Variants in ZNF845 observed in about 807,000 individuals in gnomAD.
The protein encoded by ZNF845 is zinc finger protein 845.
In ZNF845, 59 loss-of-function variants were observed where a neutral mutation model predicts 76.1. That is an observed-to-expected ratio of 0.78 (90% CI 0.63 to 0.96). ZNF845 has a LOEUF of 0.96. Among genes scored for constraint, ZNF845 ranks in the 40% least tolerant of loss-of-function variants. The probability of loss-of-function intolerance (pLI) is 0.00; values close to 1 mark genes in which losing one functional copy is unlikely to be tolerated. For synonymous variants in ZNF845, 361 were observed against 386.9 expected, an observed-to-expected ratio of 0.93 and a Z score of 0.78; for missense variants, 1,045 against 1,172.8, an observed-to-expected ratio of 0.89 and a Z score of 1.59.
rs548351753 is a variant in ZNF845, at chr19:53,351,732, A to C, written c.1057A>C (p.Lys353Gln). ...VYHRRLHTGE[K>Q]PYKCEECDKA... ...CCATCGTAGACTTCATACTGGAGAG[A>C]AACCTTACAAATGTGAAGAATGTGA... is the stretch of plus-strand genomic sequence containing the variant. The change falls in exon 4 of 4, where the codon AAA becomes CAA. Residue 353 changes from lysine to glutamine, a missense_variant. Physicochemically the swap from Lys to Gln is moderately conservative, Grantham distance 53. Transcript: ENST00000458035. 1.9e-6 allele frequency: 3 copies of C among 1,614,134 alleles called. No individual in the cohort carries two copies. Among genetic ancestry groups the C allele is most frequent in the African/African-American group, 2.7e-5 (2 of 75,064 alleles).
rs115303447 is a variant in ZNF845 at position 53,340,519 on chromosome 19, C to T, written c.-73-716C>T. Among the ~76,000 whole-genome samples, 1,076 of 152,274 alleles carry T rather than the reference C, an allele frequency of 7.1e-3. 17 individuals carry two copies. Among genetic ancestry groups the T allele is most frequent in the African/African-American group, 0.025 (1,027 of 41,554 alleles). On this transcript the variant is annotated intron_variant, in intron 1 of 3. Transcript: ENST00000458035. ...AGGTGACTTCCCGAACTTCCGTAAACGCATTCCCCCATGCTCCTGCCCTTC... is the reference window on the plus strand; with the variant it reads ...AGGTGACTTCCCGAACTTCCGTAAATGCATTCCCCCATGCTCCTGCCCTTC...
chr19:53,353,767 G>C lies in ZNF845; in HGVS notation c.*179G>C. On this transcript the variant is annotated 3_prime_UTR_variant, in exon 4 of 4. Coordinates refer to ENST00000458035, the MANE Select transcript of ZNF845 (RefSeq NM_138374.3). ...GAGAGAAACCTTACAAGTGTACTGA[G>C]TGTGGCAAAGCCTTTAGTGGGCAGT... 1 of 1,519,770 alleles carries C rather than the reference G, an allele frequency of 6.6e-7. No homozygotes were observed. The highest frequency in any genetic ancestry group is 8.8e-7 in the Non-Finnish European group (1 of 1,137,180). The allele number at this position is 1,519,770 out of a possible 1,614,324, so 94.1% of individuals were successfully genotyped here.
In ZNF845 at chr19:53,355,217, TTTTCTA is replaced by T. The variant is rs1196597730; in HGVS notation, c.*1631_*1636del. 6.6e-6 allele frequency: 1 copy of T among 152,000 alleles called. No individual in the cohort carries two copies. The highest frequency in any genetic ancestry group is 1.5e-5 in the Non-Finnish European group (1 of 67,998). The allele number at this position is 152,000 out of a possible 1,614,324, so 9.4% of individuals were successfully genotyped here. On this transcript the variant is annotated 3_prime_UTR_variant, in exon 4 of 4. Coordinates refer to ENST00000458035, the MANE Select transcript of ZNF845 (RefSeq NM_138374.3). Reference sequence around the variant, plus strand: ...GTGAGCCACCGCACCCAGCCAGTGATTTTCTATATAGAATGTCGTATCATCTACAAG... The same window carrying T: ...GTGAGCCACCGCACCCAGCCAGTGATTATAGAATGTCGTATCATCTACAAG...
intron 1 of ZNF845, among the ~76,000 whole-genome samples, chr19:53,336,633 C>CTTTTTTTTT (rs398035035): frequency 3.5e-4 from 32 of 92,422 alleles, no homozygotes; most frequent in East Asian, 6.9e-4. Flanking sequence ...TTCTTTCTTT[C>CTTTTTTTTT]TTTTTTTTTT....
chr19:53,349,131 A>C (rs2085316673), intron 3 of ZNF845, among the ~76,000 whole-genome samples: 1 of 152,086 alleles, frequency 6.6e-6, no homozygotes, highest in East Asian at 1.9e-4. Flanking sequence ...TGCTGGGATT[A>C]CAGGCATGAA....
At chr19:53,335,730 G>C (rs1231064305) in intron 1 of ZNF845, among the ~76,000 whole-genome samples, 1 of 152,118 alleles carries the variant, frequency 6.6e-6, no homozygotes, top group Non-Finnish European at 1.5e-5. Flanking sequence ...AGCCTCCCAA[G>C]TAGCTGGGAT....
intron 1 of ZNF845, among the ~76,000 whole-genome samples, 192 bp downstream of exon 1, chr19:53,333,984 T>G (rs550135952): frequency 5.3e-3 from 803 of 152,336 alleles, no homozygotes; most frequent in Non-Finnish European, 7.3e-3. Flanking sequence ...GGATGGTCCC[T>G]TCCCGAATCT....
intron 2 of ZNF845, among the ~76,000 whole-genome samples, chr19:53,341,639 A>T (rs978784502): frequency 1.3e-5 from 2 of 152,108 alleles, no homozygotes; most frequent in Non-Finnish European, 2.9e-5. Flanking sequence ...ATCTGGATGC[A>T]CTGTCAGCTC....
chr19:53,350,481 T>C (rs966589783), intron 3 of ZNF845, among the ~76,000 whole-genome samples: 1 of 152,248 alleles, frequency 6.6e-6, no homozygotes, highest in Non-Finnish European at 1.5e-5. Context: ...GAATATATGC[T>C]TTTCTCCTCA....
At chr19:53,337,837 G>GT (rs144385968) in intron 1 of ZNF845, among the ~76,000 whole-genome samples, 4,256 of 151,994 alleles carry the variant, frequency 0.028, 204 homozygotes, top group African/African-American at 0.098. Context: ...GAGTGCTAGG[G>GT]TACAGGTATG....
In ZNF845 at chr19:53,337,890, AG is replaced by A. The variant is rs1417015788; in HGVS notation, c.-73-3342del. Among the ~76,000 whole-genome samples, 8 of 152,154 alleles carry A rather than the reference AG, an allele frequency of 5.3e-5. No homozygotes were observed. The East Asian group carries it at 1.5e-3, about 29-fold the overall frequency. ...CAATTTTTGTATTTTTAGTAGAGAC[AG>A]GGTTTCACCTTGTTGGCCAGGCTTA... On this transcript the variant is annotated intron_variant, in intron 1 of 3. Coordinates refer to ENST00000458035, the MANE Select transcript of ZNF845 (RefSeq NM_138374.3).
Position 53,355,577 on chromosome 19 carries a change from G to T in ZNF845, c.*1989G>T, listed in dbSNP as rs946311851. The stretch of plus-strand genomic sequence containing the variant: ...TGCAAATTGCTGGGATTATGGGTGT[G>T]AGCCATGAGCCCGGCCCCAACAAAT... On this transcript the variant is annotated 3_prime_UTR_variant, in exon 4 of 4. Transcript: ENST00000458035. The T allele has an allele frequency of 6.6e-6, 1 of 152,102 alleles. No homozygotes were observed. The highest frequency in any genetic ancestry group is 2.4e-5 in the African/African-American group (1 of 41,406). The allele number at this position is 152,102 out of a possible 1,614,324, so 9.4% of individuals were successfully genotyped here. A position where few individuals can be genotyped will look rare whatever the true frequency, so the allele number is the denominator to read the frequency against.
chr19:53,334,837 G>T (rs146016547), intron 1 of ZNF845, among the ~76,000 whole-genome samples: 8,703 of 152,168 alleles, frequency 0.057, 378 homozygotes, highest in Non-Finnish European at 0.092. Flanking sequence ...TTGAGCCCAG[G>T]AGGTCCAGGC....
Position 53,352,420 on chromosome 19 carries a change from A to G in ZNF845, c.1745A>G (p.Asn582Ser), listed in dbSNP as rs778961913. Residue 582 changes from asparagine to serine, a missense_variant, in exon 4 of 4, where the codon AAT (asparagine) becomes AGT (serine). Coordinates refer to ENST00000458035, the MANE Select transcript of ZNF845 (RefSeq NM_138374.3). ...IHGIGKLYKCNDCHQVFSNAT... is the reference protein window; with the variant it reads ...IHGIGKLYKCSDCHQVFSNAT... ...GGTATAGGGAAACTTTACAAATGTA[A>G]TGATTGTCACCAAGTCTTTAGTAAT... The G allele has an allele frequency of 3.9e-5, 63 of 1,613,966 alleles. No individual in the cohort carries two copies. Among genetic ancestry groups the G allele is most frequent in the Non-Finnish European group, 5.3e-5 (62 of 1,179,860 alleles).
rs1012528015 is a variant in ZNF845, at chr19:53,351,937, G to A, written c.1262G>A (p.Ser421Asn). 3 of 1,613,766 alleles carry A rather than the reference G, an allele frequency of 1.9e-6. No homozygotes were observed. Among genetic ancestry groups the A allele is most frequent in the African/African-American group, 2.7e-5 (2 of 74,822 alleles). The change falls in exon 4 of 4, where the codon AGT becomes AAT. Residue 421 changes from serine (S) to asparagine (N), a missense_variant. By Grantham distance (46) the Ser-to-Asn change is conservative (BLOSUM62 1). Coordinates refer to ENST00000458035, the MANE Select transcript of ZNF845 (RefSeq NM_138374.3). ...TGTAATGATTGTGGCAAGACCTTCA[G>A]TCAGATGTCATCCCTTGTATACCAT... Reference protein sequence around the residue: ...YKCNDCGKTFSQMSSLVYHRR... With the variant: ...YKCNDCGKTFNQMSSLVYHRR...
intron 1 of ZNF845, among the ~76,000 whole-genome samples, chr19:53,337,884 A>G (rs755318953): frequency 1.4e-4 from 21 of 152,036 alleles, no homozygotes; most frequent in Non-Finnish European, 2.5e-4. Flanking sequence ...TATTTTTAGT[A>G]GAGACAGGGT....
intron 2 of ZNF845, among the ~76,000 whole-genome samples, 184 bp from the exon 3 acceptor site, chr19:53,345,322 A>G (rs2085286759): frequency 8.7e-6 from 1 of 114,374 alleles, no homozygotes; most frequent in African/African-American, 3.6e-5. Context: ...TCTCAAAAAG[A>G]AAAAAAAAAA....
Position 53,353,585 on chromosome 19 carries a change from T to C in ZNF845, c.2910T>C (p.His970=), listed in dbSNP as rs987237396. ...ATAGAATTCATACTGGAAAGAAACATTAGAAATATGAAGAATGTGACAAAG... is the reference window on the plus strand; with the variant it reads ...ATAGAATTCATACTGGAAAGAAACACTAGAAATATGAAGAATGTGACAAAG... The part of the protein sequence containing the change: ...RHHRIHTGKK[H] Residue 970 remains histidine (H), a synonymous_variant, in exon 4 of 4, where the codon CAT becomes CAC. Coordinates refer to ENST00000458035, the MANE Select transcript of ZNF845 (RefSeq NM_138374.3). The C allele has an allele frequency of 7.0e-6, 11 of 1,580,768 alleles. No individual in the cohort carries two copies. The highest frequency in any genetic ancestry group is 1.4e-5 in the African/African-American group (1 of 73,590).
At chr19:53,342,457 CAT>C (rs1471207923) in intron 2 of ZNF845, among the ~76,000 whole-genome samples, 1 of 152,146 alleles carries the variant, frequency 6.6e-6, no homozygotes, top group Non-Finnish European at 1.5e-5. Flanking sequence ...GTAAACATCA[CAT>C]GATATATTTA....
Sources: gnomAD v4.1 joint callset for allele counts (sites outside exome capture counted in the v4.1 genomes callset) on GRCh38, gnomAD v4.1.1 for gene constraint, MANE v1.5 for transcripts, NCBI Gene and HGNC (gene_info 2026-07-23, HGNC 2026-07-21) for gene names.